Variants in ANKRD30B observed in about 807,000 individuals in gnomAD.
ANKRD30B encodes ankyrin repeat domain 30B, also known as ankyrin repeat domain-containing protein 30B.
Under a neutral mutation model 202.2 loss-of-function variants are expected in ANKRD30B, and 144 were observed. The observed-to-expected ratio is 0.71, with a 90% CI of 0.62 to 0.82. The LOEUF is 0.82. Among genes scored for constraint, ANKRD30B ranks in the 40% least tolerant of loss-of-function variants. The pLI, the probability that ANKRD30B is intolerant of heterozygous loss-of-function variation, is 0.00. For missense variants in ANKRD30B, 1,487 were observed against 1,669.1 expected (o/e 0.89, Z 1.90); for synonymous variants, 508 against 561.3 (o/e 0.91, Z 1.34).
the ANKRD30B span, among the ~76,000 whole-genome samples, chr18:14,866,374 G>A: frequency 1.3e-5 from 2 of 151,424 alleles, no homozygotes; most frequent in Non-Finnish European, 3.0e-5. Flanking sequence ...GTGGTAGGAG[G>A]GGGGCTGGAG....
chr18:14,789,957 A>C (rs893693071), intron 15 of ANKRD30B, among the ~76,000 whole-genome samples: 2 of 152,158 alleles, frequency 1.3e-5, no homozygotes, highest in Admixed American at 6.5e-5. Flanking sequence ...TGGGGATGGC[A>C]CTGAATCTAT....
At chr18:14,900,637 G>A in the ANKRD30B span, among the ~76,000 whole-genome samples, 6 of 152,180 alleles carry the variant, frequency 3.9e-5, no homozygotes, top group African/African-American at 1.4e-4. Context: ...TTAGCTGACT[G>A]CACAAAATAA....
At chr18:14,867,572 G>T in the ANKRD30B span, among the ~76,000 whole-genome samples, 1 of 152,204 alleles carries the variant, frequency 6.6e-6, no homozygotes, top group Non-Finnish European at 1.5e-5. Flanking sequence ...GCTCTGTGTT[G>T]TGGAGACCAT....
chr18:14,931,925 C>T, the ANKRD30B span, among the ~76,000 whole-genome samples: 44 of 137,050 alleles, frequency 3.2e-4, no homozygotes, highest in African/African-American at 4.4e-4. Flanking sequence ...CTCCCTCCTG[C>T]TCTGTCCCGG....
chr18:14,935,609 T>C, the ANKRD30B span, among the ~76,000 whole-genome samples: 2 of 152,246 alleles, frequency 1.3e-5, no homozygotes, highest in Admixed American at 6.5e-5. Context: ...CAAATGTGTG[T>C]GTGTGCATGC....
the ANKRD30B span, among the ~76,000 whole-genome samples, chr18:14,918,052 A>G: frequency 6.6e-6 from 1 of 152,182 alleles, no homozygotes; most frequent in Non-Finnish European, 1.5e-5. Flanking sequence ...AAGAAAGCCC[A>G]GCAAGAAGAA....
the ANKRD30B span, among the ~76,000 whole-genome samples, chr18:14,897,631 T>C: frequency 3.8e-3 from 575 of 152,370 alleles, no homozygotes; most frequent in African/African-American, 0.013. Context: ...TCTGCTAATC[T>C]GTATATTTTA....
chr18:14,860,689 A>T, the ANKRD30B span, among the ~76,000 whole-genome samples: 1 of 151,598 alleles, frequency 6.6e-6, no homozygotes, highest in Non-Finnish European at 1.5e-5. Flanking sequence ...TTCTTAAAGA[A>T]AAAAAAATGC....
At chr18:14,885,854 C>A in the ANKRD30B span, among the ~76,000 whole-genome samples, 1 of 151,882 alleles carries the variant, frequency 6.6e-6, no homozygotes, top group Admixed American at 6.6e-5. Flanking sequence ...AAAGTATCTT[C>A]TGTTTACTTT....
chr18:14,752,693 C>A lies in ANKRD30B; in HGVS notation c.336+13C>A, dbSNP rs772638879. The A allele has an allele frequency of 6.3e-7, 1 of 1,584,784 alleles. No individual in the cohort carries two copies. The highest frequency in any genetic ancestry group is 8.6e-7 in the Non-Finnish European group (1 of 1,162,918). ...ACCTCTGATGAAGGTAAATAGTAGCCAGTTTTTTCAGCGGGAGATGGATTT... is the reference window on the plus strand; with the variant it reads ...ACCTCTGATGAAGGTAAATAGTAGCAAGTTTTTTCAGCGGGAGATGGATTT... On this transcript the variant is annotated intron_variant, in intron 2 of 43. Transcript: ENST00000690538.
chr18:14,874,492 C>G, the ANKRD30B span, among the ~76,000 whole-genome samples: 1 of 152,014 alleles, frequency 6.6e-6, no homozygotes, highest in Non-Finnish European at 1.5e-5. Flanking sequence ...GAACATCAAC[C>G]TTAACAATTA....
At chr18:14,763,622 A>C in intron 6 of ANKRD30B, 64 bp from the exon 7 acceptor site, 1 of 1,578,064 alleles carries the variant, frequency 6.3e-7, no homozygotes, top group African/African-American at 1.3e-5. Flanking sequence ...GAAGTTTGCC[A>C]GGTGAAGTCA....
chr18:14,924,638 G>A, the ANKRD30B span, among the ~76,000 whole-genome samples: 1 of 152,254 alleles, frequency 6.6e-6, no homozygotes. Context: ...AGACAGACGA[G>A]GTCCATGAGG....
chr18:14,819,794 T>C (rs1473164309), intron 30 of ANKRD30B, among the ~76,000 whole-genome samples: 1 of 151,810 alleles, frequency 6.6e-6, no homozygotes, highest in African/African-American at 2.4e-5. Context: ...AGTCAGGTAC[T>C]GTGATGCCTC....
chr18:14,766,472 C>CAAAAA (rs1168681924), intron 7 of ANKRD30B, among the ~76,000 whole-genome samples: 57 of 55,592 alleles, frequency 1.0e-3, no homozygotes, highest in African/African-American at 2.3e-3. Context: ...GACTCCATCT[C>CAAAAA]AAAAAAAAAA....
chr18:14,870,728 A>T, the ANKRD30B span, among the ~76,000 whole-genome samples: 1 of 152,036 alleles, frequency 6.6e-6, no homozygotes, highest in Non-Finnish European at 1.5e-5. Context: ...TGGCTCCATG[A>T]AGCACCATGT....
chr18:14,887,680 G>A, the ANKRD30B span, among the ~76,000 whole-genome samples: 3 of 151,826 alleles, frequency 2.0e-5, no homozygotes, highest in East Asian at 3.9e-4. Context: ...AGACAGTTTT[G>A]TTATTCCTTT....
chr18:14,791,622 G>A lies in ANKRD30B; in HGVS notation c.1825+131G>A, dbSNP rs1021388694. 65 of 694,092 alleles carry A rather than the reference G, an allele frequency of 9.4e-5. No homozygotes were observed. The East Asian group carries it at 1.4e-3, about 15-fold the overall frequency. The allele number at this position is 694,092 out of a possible 1,614,324, so 43.0% of individuals were successfully genotyped here. A position where few individuals can be genotyped will look rare whatever the true frequency, so the allele number is the denominator to read the frequency against. ...AGCACAGAAAAAAGAGAAGTGAAAC[G>A]GTGATAAGTTATACGTCTTATCAGG... On this transcript the variant is annotated intron_variant, in intron 16 of 43. Coordinates refer to ENST00000690538, the MANE Select transcript of ANKRD30B (RefSeq NM_001367607.2).
At chr18:14,763,053 T>C (rs1915508603) in intron 6 of ANKRD30B, among the ~76,000 whole-genome samples, 1 of 152,140 alleles carries the variant, frequency 6.6e-6, no homozygotes, top group Non-Finnish European at 1.5e-5. Context: ...ATCATTGTCA[T>C]TTTTTATTTG....
Sources: gnomAD v4.1 joint callset for allele counts (sites outside exome capture counted in the v4.1 genomes callset) on GRCh38, gnomAD v4.1.1 for gene constraint, MANE v1.5 for transcripts, NCBI Gene and HGNC (gene_info 2026-07-23, HGNC 2026-07-21) for gene names.